The following THSD7B variants were observed in gnomAD, a reference collection of about 807,000 sequenced individuals.
The protein encoded by THSD7B is thrombospondin type 1 domain containing 7B.
THSD7B carries 138 observed loss-of-function variants against 213.6 expected under a neutral mutation model. That is an observed-to-expected ratio of 0.65 (90% CI 0.56 to 0.74). The LOEUF is 0.74. THSD7B is among the 30% of genes least tolerant of loss of function. The pLI is 0.00. For missense variants in THSD7B, 1,931 were observed against 1,991.5 expected, an observed-to-expected ratio of 0.97 and a Z score of 0.58; for synonymous variants, 742 against 687.0, an observed-to-expected ratio of 1.08 and a Z score of -1.25.
intron 12 of THSD7B, among the ~76,000 whole-genome samples, chr2:137,356,623 T>C (rs1307700122): frequency 4.6e-5 from 7 of 152,192 alleles, no homozygotes; most frequent in South Asian, 2.1e-4. Context: ...TGGTGAAGTC[T>C]TGCCCACTGG....
intron 1 of THSD7B, among the ~76,000 whole-genome samples, chr2:136,880,617 TCAGGC>T (rs937778027): frequency 5.9e-5 from 9 of 152,118 alleles, no homozygotes; most frequent in African/African-American, 1.9e-4. Flanking sequence ...TCCCATCAGT[TCAGGC>T]ATCTAAGTTT....
chr2:136,771,386 A>T (rs904064154), intron 1 of THSD7B, among the ~76,000 whole-genome samples: 1 of 152,176 alleles, frequency 6.6e-6, no homozygotes, highest in African/African-American at 2.4e-5. Context: ...TGAAAAACGT[A>T]ACTTAAATTA....
At chr2:136,898,579 G>GCCCCCCC (rs112016812) in intron 2 of THSD7B, among the ~76,000 whole-genome samples, 1 of 116,582 alleles carries the variant, frequency 8.6e-6, no homozygotes, top group Non-Finnish European at 1.8e-5. Flanking sequence ...TTGTCCCCCC[G>GCCCCCCC]CCCCCCCGCC....
intron 15 of THSD7B, among the ~76,000 whole-genome samples, chr2:137,549,951 C>T (rs1470440227): frequency 2.0e-5 from 3 of 151,952 alleles, no homozygotes; most frequent in African/African-American, 4.8e-5. Context: ...CTGATAACTA[C>T]AATCTGTTCT....
chr2:137,510,503 G>A (rs1385414795), intron 15 of THSD7B, among the ~76,000 whole-genome samples: 1 of 152,100 alleles, frequency 6.6e-6, no homozygotes, highest in Non-Finnish European at 1.5e-5. Flanking sequence ...AAGAAGAAAG[G>A]AAATACATAT....
At chr2:136,814,573 TA>T (rs1682440690) in intron 1 of THSD7B, among the ~76,000 whole-genome samples, 1 of 152,112 alleles carries the variant, frequency 6.6e-6, no homozygotes, top group African/African-American at 2.4e-5. Context: ...TAATTTTTTG[TA>T]ATTTTAGTAG....
At chr2:137,474,033 T>C (rs1381472997) in intron 15 of THSD7B, among the ~76,000 whole-genome samples, 1 of 152,208 alleles carries the variant, frequency 6.6e-6, no homozygotes, top group Non-Finnish European at 1.5e-5. Flanking sequence ...AAAAGAAGGC[T>C]ACCTAATCCC....
intron 1 of THSD7B, among the ~76,000 whole-genome samples, chr2:136,844,795 G>A (rs895521913): frequency 2.6e-5 from 4 of 152,214 alleles, no homozygotes; most frequent in African/African-American, 9.7e-5. Context: ...GTTCAGGGCA[G>A]CCCACAGCTG....
chr2:136,846,425 C>T (rs527859353), intron 1 of THSD7B, among the ~76,000 whole-genome samples: 1 of 152,270 alleles, frequency 6.6e-6, no homozygotes, highest in East Asian at 1.9e-4. Context: ...AATGAAAACA[C>T]TTTCTGCTAC....
In THSD7B at chr2:137,231,088, G is replaced by C; in HGVS notation, c.1768G>C (p.Glu590Gln). The C allele has an allele frequency of 6.2e-7, 1 of 1,613,734 alleles. No homozygotes were observed. Among genetic ancestry groups the C allele is most frequent in the South Asian group, 1.1e-5 (1 of 91,076 alleles). The change falls in exon 8 of 28, where the codon GAG becomes CAG. Residue 590 changes from glutamate to glutamine, a missense_variant. Transcript: ENST00000409968. ...TCTTTGCCCAGTTCCCCCTCCTCCTGAGAGGAAGTCTTGTGAAATTCCCTG... is the reference window on the plus strand; with the variant it reads ...TCTTTGCCCAGTTCCCCCTCCTCCTCAGAGGAAGTCTTGTGAAATTCCCTG... ...GSLCPVPPPP[E>Q]RKSCEIPCRM... is the part of the protein sequence containing the mutation.
At chr2:137,273,227 G>A (rs374168459) in intron 11 of THSD7B, among the ~76,000 whole-genome samples, 15 of 151,984 alleles carry the variant, frequency 9.9e-5, no homozygotes, top group Non-Finnish European at 1.6e-4. Flanking sequence ...AGAAGAAAAC[G>A]TTTAACTTAG....
rs550220246 is a variant in THSD7B at position 137,076,254 on chromosome 2, C to T, written c.951-18619C>T. Among the ~76,000 whole-genome samples the T allele has an allele frequency of 1.1e-4, 16 of 152,322 alleles. No homozygotes were observed. The East Asian group carries it at 1.5e-3, about 15-fold the overall frequency. On this transcript the variant is annotated intron_variant, in intron 3 of 27. Coordinates refer to ENST00000409968, the MANE Select transcript of THSD7B (RefSeq NM_001316349.2). The stretch of plus-strand genomic sequence containing the variant: ...CTCCACCCAGTTCGAGCTTCCTGGC[C>T]GCTTTGTTTACCTAATCAAACTAAT...
Position 137,261,753 on chromosome 2 carries a change from C to T in THSD7B, c.2267-10780C>T, listed in dbSNP as rs955045671. ...CCTAATTTTAATTAGTTTGTATTCACAGAGTTATTTTCCTTTAGTCATGTT... is the reference window on the plus strand; with the variant it reads ...CCTAATTTTAATTAGTTTGTATTCATAGAGTTATTTTCCTTTAGTCATGTT... On this transcript the variant is annotated intron_variant, in intron 10 of 27. Coordinates refer to ENST00000409968, the MANE Select transcript of THSD7B (RefSeq NM_001316349.2). Among the ~76,000 whole-genome samples, 6 of 152,140 alleles carry T rather than the reference C, an allele frequency of 3.9e-5. No homozygotes were observed. The East Asian group carries it at 1.2e-3, about 29-fold the overall frequency.
chr2:137,379,460 C>T (rs140205509), intron 12 of THSD7B, among the ~76,000 whole-genome samples: 2 of 152,182 alleles, frequency 1.3e-5, no homozygotes, highest in Non-Finnish European at 2.9e-5. Flanking sequence ...CATAAGTACA[C>T]ACTTTCCTCA....
chr2:136,980,080 C>G (rs1229855525), intron 2 of THSD7B, among the ~76,000 whole-genome samples: 5 of 152,080 alleles, frequency 3.3e-5, no homozygotes, highest in Non-Finnish European at 2.9e-5. Flanking sequence ...CTGGGTCTCT[C>G]CTGCACCTGG....
At chr2:137,296,495 G>GCTGT (rs1683466578) in intron 12 of THSD7B, among the ~76,000 whole-genome samples, 1 of 152,102 alleles carries the variant, frequency 6.6e-6, no homozygotes, top group Admixed American at 6.5e-5. Context: ...TATCATGAAT[G>GCTGT]CTGTCACTGT....
intron 7 of THSD7B, among the ~76,000 whole-genome samples, chr2:137,195,294 A>G (rs557151736): frequency 6.6e-6 from 1 of 152,180 alleles, no homozygotes; most frequent in South Asian, 2.1e-4. Context: ...ATAGACATAT[A>G]TCAATTTTTC....
At chr2:137,452,151 A>G (rs563157010) in intron 15 of THSD7B, 5 of 389,246 alleles carry the variant, frequency 1.3e-5, no homozygotes, top group African/African-American at 2.2e-5. Flanking sequence ...TCAACAAGAT[A>G]TATTTAAGTT....
intron 12 of THSD7B, among the ~76,000 whole-genome samples, chr2:137,317,089 A>G (rs1417978856): frequency 6.6e-6 from 1 of 152,198 alleles, no homozygotes; most frequent in East Asian, 1.9e-4. Flanking sequence ...AATATAGTTG[A>G]CAGTTTTTTC....
Sources: allele counts gnomAD v4.1 joint callset (sites outside exome capture counted in the v4.1 genomes callset), GRCh38; gene constraint gnomAD v4.1.1; transcripts MANE v1.5; gene names NCBI Gene and HGNC (gene_info 2026-07-23, HGNC 2026-07-21).